The following DYDC2 variants were observed in gnomAD, a reference collection of about 807,000 sequenced individuals.
The protein encoded by DYDC2 is DPY30 domain containing 2.
In DYDC2, 19 loss-of-function variants were observed where a neutral mutation model predicts 18.7. The ratio of observed to expected loss-of-function variants is 1.02; its 90% CI spans 0.71 to 1.49. DYDC2 has a LOEUF of 1.49. Ranked by LOEUF, DYDC2 falls within the 40% of genes most tolerant of loss-of-function variation. The pLI is 0.00. For missense variants in DYDC2, 179 were observed against 205.1 expected, an observed-to-expected ratio of 0.87 and a Z score of 0.78; for synonymous variants, 63 against 67.6, an observed-to-expected ratio of 0.93 and a Z score of 0.34.
In DYDC2 at chr10:80,360,748, T is replaced by G. The variant is rs1843640218; in HGVS notation, c.-9-1687T>G. ...ATGCCCTTTATAGAATTCTTTCTTC[T>G]TCTTTTCTTTCTTTCTTTTTTTTTT... On this transcript the variant is annotated intron_variant, in intron 2 of 4. Coordinates refer to ENST00000256039, the MANE Select transcript of DYDC2 (RefSeq NM_032372.6). Among the ~76,000 whole-genome samples the G allele has an allele frequency of 2.6e-5, 4 of 151,394 alleles. No individual in the cohort carries two copies. The Admixed American group carries it at 2.7e-4, about 10-fold the overall frequency.
intron 1 of DYDC2, among the ~76,000 whole-genome samples, chr10:80,351,643 C>G (rs572802704): frequency 6.6e-6 from 1 of 152,172 alleles, no homozygotes; most frequent in East Asian, 1.9e-4. Context: ...TTTCCTCTTA[C>G]CTGGAGGTAT....
intron 2 of DYDC2, among the ~76,000 whole-genome samples, chr10:80,359,264 C>T (rs1216654129): frequency 6.6e-6 from 1 of 152,204 alleles, no homozygotes; most frequent in South Asian, 2.1e-4. Flanking sequence ...TAGCTAGACA[C>T]AGAGCACTGA....
intron 4 of DYDC2, among the ~76,000 whole-genome samples, chr10:80,364,408 A>G (rs2132900916): frequency 6.6e-6 from 1 of 152,306 alleles, no homozygotes; most frequent in East Asian, 1.9e-4. Context: ...GTGCACCTCT[A>G]ATCCATTTCT....
upstream of DYDC2, among the ~76,000 whole-genome samples, chr10:80,354,144 A>AT (rs1324273411): frequency 1.3e-5 from 2 of 148,644 alleles, no homozygotes; most frequent in Non-Finnish European, 3.0e-5. Context: ...ATATATATAT[A>AT]TTTTTTCCTG....
chr10:80,356,424 C>T, upstream of DYDC2: 1 of 985,456 alleles, frequency 1.0e-6, no homozygotes, highest in Non-Finnish European at 1.2e-6. Context: ...GTGCCAGATA[C>T]AGTATTGTAT....
intron 1 of DYDC2, among the ~76,000 whole-genome samples, chr10:80,357,677 A>G (rs1437304079): frequency 6.6e-6 from 1 of 152,088 alleles, no homozygotes; most frequent in Non-Finnish European, 1.5e-5. Context: ...CACCAGGCCC[A>G]AACCCTTGCA....
At chr10:80,362,930 G>T in intron 3 of DYDC2, 21 bp from the exon 4 acceptor site, 1 of 1,608,600 alleles carries the variant, frequency 6.2e-7, no homozygotes, top group South Asian at 1.1e-5. Flanking sequence ...GACCTGATTT[G>T]ACTCTGTCAC....
At chr10:80,353,338 A>G (rs1235440337), upstream of DYDC2, among the ~76,000 whole-genome samples, 1 of 151,392 alleles carries the variant, frequency 6.6e-6, no homozygotes, top group East Asian at 2.0e-4. Context: ...TTTTTTTTGT[A>G]TTTTTAGTAG....
chr10:80,351,933 T>C (rs767167089), upstream of DYDC2: 1 of 1,614,172 alleles, frequency 6.2e-7, no homozygotes, highest in Non-Finnish European at 8.5e-7. Flanking sequence ...GCTTTGAGCC[T>C]CTCCATCATT....
chr10:80,367,188 T>TA lies in DYDC2; in HGVS notation c.*238dup. 1.3e-5 allele frequency: 6 copies of TA among 471,732 alleles called. No individual in the cohort carries two copies. Among genetic ancestry groups the TA allele is most frequent in the Admixed American group, 4.0e-5 (1 of 24,910 alleles). The allele number at this position is 471,732 out of a possible 1,614,324, so 29.2% of individuals were successfully genotyped here. A position where few individuals can be genotyped will look rare whatever the true frequency, so the allele number is the denominator to read the frequency against. On this transcript the variant is annotated 3_prime_UTR_variant, in exon 5 of 5. Transcript: ENST00000256039. ...TGGCTGTGACTTTTTCCTCTTGTTT[T>TA]ATCAACGTTTTGGAGACTACACAAT...
chr10:80,352,125 T>C, upstream of DYDC2: 1 of 856,102 alleles, frequency 1.2e-6, no homozygotes. Context: ...AGCCCATCCC[T>C]GTGGAAATGA....
chr10:80,362,659 G>C, intron 3 of DYDC2, 69 bp downstream of exon 3: 4 of 1,533,072 alleles, frequency 2.6e-6, no homozygotes, highest in Non-Finnish European at 3.5e-6. Flanking sequence ...CAAGACACAA[G>C]GCAGGATTCT....
chr10:80,358,367 G>A (rs1382057501), intron 2 of DYDC2, among the ~76,000 whole-genome samples: 2 of 151,922 alleles, frequency 1.3e-5, no homozygotes, highest in Middle Eastern at 3.2e-3. Flanking sequence ...GACAGACCAA[G>A]GCTCTCTCTT....
At chr10:80,346,944 G>C (rs1393699313) in intron 1 of DYDC2, among the ~76,000 whole-genome samples, 1 of 152,048 alleles carries the variant, frequency 6.6e-6, no homozygotes, top group Non-Finnish European at 1.5e-5. Context: ...GCCAGGTGTG[G>C]TGGCGGGTGC....
At chr10:80,347,913 T>A (rs1842766117) in intron 1 of DYDC2, among the ~76,000 whole-genome samples, 1 of 152,230 alleles carries the variant, frequency 6.6e-6, no homozygotes. Flanking sequence ...TTTTTCTTTC[T>A]TAGGATTGCT....
At chr10:80,359,774 G>A (rs1843606375) in intron 2 of DYDC2, among the ~76,000 whole-genome samples, 1 of 152,206 alleles carries the variant, frequency 6.6e-6, no homozygotes, top group Non-Finnish European at 1.5e-5. Context: ...GTGCTGGCCG[G>A]CTGATCCGAG....
intron 2 of DYDC2, among the ~76,000 whole-genome samples, chr10:80,359,029 C>T (rs189557866): frequency 2.0e-5 from 3 of 152,306 alleles, no homozygotes; most frequent in East Asian, 1.9e-4. Context: ...AAGAACAAAG[C>T]TTCCAGTGTG....
chr10:80,351,951 C>A, upstream of DYDC2: 3 of 1,614,168 alleles, frequency 1.9e-6, no homozygotes, highest in Non-Finnish European at 2.5e-6. Flanking sequence ...ATTTCCTGCT[C>A]CATCAGAGCT....
At chr10:80,358,795 A>G (rs934349281) in intron 2 of DYDC2, among the ~76,000 whole-genome samples, 1 of 152,172 alleles carries the variant, frequency 6.6e-6, no homozygotes, top group African/African-American at 2.4e-5. Flanking sequence ...TGAGTTCTAG[A>G]ATGAAGCCGT....
Sources: allele counts gnomAD v4.1 joint callset (sites outside exome capture counted in the v4.1 genomes callset), GRCh38; gene constraint gnomAD v4.1.1; transcripts MANE v1.5; gene names NCBI Gene and HGNC (gene_info 2026-07-23, HGNC 2026-07-21).